Variants in ZIM2 observed in about 807,000 individuals in gnomAD.
The protein encoded by ZIM2 is zinc finger protein 656.
A neutral mutation model predicts 38.6 loss-of-function variants in ZIM2; 14 were observed. That is an observed-to-expected ratio of 0.36 (90% CI 0.24 to 0.57). ZIM2 has a LOEUF of 0.57. Ranked by LOEUF, ZIM2 falls within the 20% of genes least tolerant of loss-of-function variation. The pLI, the probability that ZIM2 is intolerant of heterozygous loss-of-function variation, is 0.81. For synonymous variants in ZIM2, 247 were observed against 245.8 expected (o/e 1.00, Z -0.04); for missense variants, 680 against 695.1 (o/e 0.98, Z 0.24).
At position 56,836,001 on chromosome 19, in the gene ZIM2, G is replaced by T. The variant is rs368366933; in HGVS notation, c.-227+17C>A. 1 of 510,116 alleles carries T rather than the reference G, an allele frequency of 2.0e-6. No homozygotes were observed. Among genetic ancestry groups the T allele is most frequent in the Non-Finnish European group, 3.9e-6 (1 of 255,780 alleles). 31.6% of individuals were successfully genotyped at this position (510,116 alleles called of 1,614,324 possible). On this transcript the variant is annotated intron_variant, in intron 2 of 12. Coordinates refer to ENST00000629319, the MANE Select transcript of ZIM2 (RefSeq NM_001387356.1). ...CCAAAGATGAATGTGGCACTGTGAG[G>T]AGGAAATTCAACTCACCTGGACCCA...
At chr19:56,789,824 A>G in intron 10 of ZIM2, 48 bp downstream of exon 10, 1 of 1,441,952 alleles carries the variant, frequency 6.9e-7, no homozygotes, top group Non-Finnish European at 9.3e-7. Flanking sequence ...AATTAGGAAG[A>G]TAAGATCCCC....
chr19:56,833,016 G>A (rs531137243), intron 2 of ZIM2: 82 of 367,612 alleles, frequency 2.2e-4, no homozygotes, highest in African/African-American at 1.6e-3. Flanking sequence ...CTTGCCAGAA[G>A]TCAGGGAAGA....
At chr19:56,813,036 G>A (rs1223213474) in intron 9 of ZIM2, 2 of 985,266 alleles carry the variant, frequency 2.0e-6, no homozygotes, top group Non-Finnish European at 2.4e-6. Flanking sequence ...AGGAGTAAAA[G>A]CCATGTTATC....
chr19:56,831,866 T>C (rs2061598288), intron 2 of ZIM2, among the ~76,000 whole-genome samples: 1 of 152,216 alleles, frequency 6.6e-6, no homozygotes, highest in African/African-American at 2.4e-5. Context: ...ATATTCCCAT[T>C]TACGTGTACA....
chr19:56,821,614 G>A (rs774080654), intron 7 of ZIM2, 37 bp downstream of exon 7: 6 of 1,608,296 alleles, frequency 3.7e-6, no homozygotes, highest in African/African-American at 1.3e-5. Context: ...ATGAAATGAA[G>A]ATGGCCTTTC....
chr19:56,792,684 G>C (rs777508543), intron 9 of ZIM2, among the ~76,000 whole-genome samples: 3 of 152,010 alleles, frequency 2.0e-5, no homozygotes, highest in Non-Finnish European at 4.4e-5. Context: ...GGAGGGCAAA[G>C]GTTGAAAAAC....
At chr19:56,839,329 C>T (rs2062665930) in intron 1 of ZIM2, among the ~76,000 whole-genome samples, 1 of 151,756 alleles carries the variant, frequency 6.6e-6, no homozygotes, top group Non-Finnish European at 1.5e-5. Context: ...ACAGTCACTT[C>T]AGCCTTGCCC....
chr19:56,803,951 C>T (rs1326226557), intron 9 of ZIM2, among the ~76,000 whole-genome samples: 1 of 152,238 alleles, frequency 6.6e-6, no homozygotes, highest in Non-Finnish European at 1.5e-5. Context: ...AGTTGCACTG[C>T]AGGCCATTAA....
At position 56,824,422 on chromosome 19, in the gene ZIM2, C is replaced by T. The variant is rs1469949102; in HGVS notation, c.-145G>A. 7.4e-6 allele frequency: 12 copies of T among 1,614,034 alleles called. No individual in the cohort carries two copies. Among genetic ancestry groups the T allele is most frequent in the Non-Finnish European group, 9.3e-6 (11 of 1,180,032 alleles). ...CGATGATCTCCTCCTTGGTGCGGGT[C>T]TCCGGCTGCAACCAATCGAGGCAGA... is the stretch of plus-strand genomic sequence containing the variant. On this transcript the variant is annotated 5_prime_UTR_variant, in exon 4 of 13. Transcript: ENST00000629319.
At chr19:56,780,024 C>T (rs947566952) in intron 11 of ZIM2, among the ~76,000 whole-genome samples, 1 of 152,136 alleles carries the variant, frequency 6.6e-6, no homozygotes, top group Non-Finnish European at 1.5e-5. Flanking sequence ...TACTGTCTGA[C>T]TCCACTGAAA....
chr19:56,798,501 TA>T (rs2047340132), intron 9 of ZIM2: 1 of 152,044 alleles, frequency 6.6e-6, no homozygotes, highest in Non-Finnish European at 1.5e-5. Flanking sequence ...ACCCAAACTA[TA>T]AAAACCCTAG....
intron 12 of ZIM2, among the ~76,000 whole-genome samples, chr19:56,775,759 T>C (rs764134027): frequency 6.7e-6 from 1 of 150,200 alleles, no homozygotes; most frequent in Non-Finnish European, 1.5e-5. Flanking sequence ...CTTATGGAGG[T>C]TGAGAGAGTT....
Position 56,816,627 on chromosome 19 carries a change from C to T in ZIM2, c.490+1119G>A, listed in dbSNP as rs1328306993. On this transcript the variant is annotated intron_variant, in intron 9 of 12. Coordinates refer to ENST00000629319, the MANE Select transcript of ZIM2 (RefSeq NM_001387356.1). Reference sequence around the variant, plus strand: ...GGGCTGGGCTGGGCCTAAAGGTTTCCCCGCGCTCACGTTCACGTTCACGTT... The same window carrying T: ...GGGCTGGGCTGGGCCTAAAGGTTTCTCCGCGCTCACGTTCACGTTCACGTT... The T allele has an allele frequency of 1.9e-6, 3 of 1,613,632 alleles. No individual in the cohort carries two copies. In the East Asian group the frequency reaches 6.7e-5, roughly 36 times the overall value.
At position 56,777,913 on chromosome 19, in the gene ZIM2, T is replaced by C. The variant is rs553328481; in HGVS notation, c.835+1464A>G. On this transcript the variant is annotated intron_variant, in intron 12 of 12. Coordinates refer to ENST00000629319, the MANE Select transcript of ZIM2 (RefSeq NM_001387356.1). ...TCTATCTTCCACTTAACTCAGACCA[T>C]ATTGCCCTTCCTACTGTTTTTGGAA... Among the ~76,000 whole-genome samples, 5 of 152,278 alleles carry C rather than the reference T, an allele frequency of 3.3e-5. No individual in the cohort carries two copies. The South Asian group carries it at 1.0e-3, about 32-fold the overall frequency.
intron 2 of ZIM2, among the ~76,000 whole-genome samples, chr19:56,827,331 A>G (rs2061140867): frequency 6.6e-6 from 1 of 152,116 alleles, no homozygotes; most frequent in African/African-American, 2.4e-5. Flanking sequence ...CATGCTCAAG[A>G]TTTTCTGACC....
At chr19:56,780,860 T>A (rs2046300471) in intron 11 of ZIM2, among the ~76,000 whole-genome samples, 1 of 152,192 alleles carries the variant, frequency 6.6e-6, no homozygotes, top group Non-Finnish European at 1.5e-5. Context: ...TGTCATGCTG[T>A]CCATGTACTG....
Position 56,782,117 on chromosome 19 carries a change from G to A in ZIM2, c.575C>T (p.Pro192Leu), listed in dbSNP as rs745737571. 1.1e-5 allele frequency: 18 copies of A among 1,613,402 alleles called. No homozygotes were observed. Among genetic ancestry groups the A allele is most frequent in the Admixed American group, 1.7e-5 (1 of 59,990 alleles). ...AAATGTTCCTAAGTGTTTGAAGTCC[G>A]GGAACTATCCCAGAGAGAGGAGAAG... Reference protein sequence around the residue: ...DNLPSAGSQFPDFKHLGTFLV... With the variant: ...DNLPSAGSQFLDFKHLGTFLV... The change falls in exon 11 of 13, where the codon CCG becomes CTG. Residue 192 changes from proline (P) to leucine (L), a missense_variant. By Grantham distance (98) the Pro-to-Leu change is moderately conservative. Transcript: ENST00000629319.
At position 56,823,581 on chromosome 19, in the gene ZIM2, G is replaced by A. The variant is rs1240033833; in HGVS notation, c.106+9C>T. 1.9e-6 allele frequency: 3 copies of A among 1,613,994 alleles called. No individual in the cohort carries two copies. Among genetic ancestry groups the A allele is most frequent in the Non-Finnish European group, 2.5e-6 (3 of 1,179,952 alleles). ...TGCCCATGGGTGACCAGTGGGGATG[G>A]GTACTCACCACTGAAAGAATGGACT... On this transcript the variant is annotated intron_variant, in intron 5 of 12. Coordinates refer to ENST00000629319, the MANE Select transcript of ZIM2 (RefSeq NM_001387356.1).
At chr19:56,792,583 C>T (rs191728676) in intron 9 of ZIM2, among the ~76,000 whole-genome samples, 24 of 150,354 alleles carry the variant, frequency 1.6e-4, no homozygotes, top group Admixed American at 4.0e-4. Context: ...TACATGTTTC[C>T]GCCTTTAAGT....
Sources: gnomAD v4.1 joint callset for allele counts (sites outside exome capture counted in the v4.1 genomes callset) on GRCh38, gnomAD v4.1.1 for gene constraint, MANE v1.5 for transcripts, NCBI Gene and HGNC (gene_info 2026-07-23, HGNC 2026-07-21) for gene names.